PKHD1: variants seen among roughly 807,000 people sequenced by gnomAD.
PKHD1 encodes the protein PKHD1 ciliary IPT domain containing fibrocystin/polyductin.
In PKHD1, 291 loss-of-function variants were observed where a neutral mutation model predicts 412.0. The observed-to-expected ratio is 0.71, with a 90% CI of 0.64 to 0.78. The LOEUF (loss-of-function observed/expected upper bound fraction) is 0.78, where lower values mean the gene tolerates loss of function less well. Ranked by LOEUF, PKHD1 falls within the 30% of genes least tolerant of loss-of-function variation. The pLI is 0.00. For synonymous variants in PKHD1, 1,777 were observed against 1,821.5 expected, an observed-to-expected ratio of 0.98 and a Z score of 0.62; for missense variants, 4,825 against 4,950.7, an observed-to-expected ratio of 0.97 and a Z score of 0.76.
At chr6:52,053,031 T>C in intron 21 of PKHD1, 45 bp downstream of exon 21, 1 of 1,583,522 alleles carries the variant, frequency 6.3e-7, no homozygotes, top group Non-Finnish European at 8.7e-7. Context: ...AAGTTTGAGG[T>C]AGGCATGTGA....
intron 43 of PKHD1, among the ~76,000 whole-genome samples, chr6:51,891,266 T>C (rs184787476): frequency 1.0e-4 from 15 of 149,882 alleles, no homozygotes; most frequent in Admixed American, 9.3e-4. Flanking sequence ...TGGGGTTTTG[T>C]TTTTTTGTTT....
At chr6:52,019,615 C>CTATG (rs962640262) in intron 33 of PKHD1, among the ~76,000 whole-genome samples, 2 of 152,168 alleles carry the variant, frequency 1.3e-5, no homozygotes, top group African/African-American at 4.8e-5. Context: ...GGATCAAAAT[C>CTATG]TATGGGTTTT....
intron 47 of PKHD1, 70 bp downstream of exon 47, chr6:51,870,434 G>T: frequency 8.3e-7 from 1 of 1,208,840 alleles, no homozygotes; most frequent in Non-Finnish European, 1.2e-6. Context: ...CAAAGTATTT[G>T]CCACTATTTA....
At chr6:51,726,741 C>T (rs1317474007) in intron 60 of PKHD1, among the ~76,000 whole-genome samples, 10 of 152,284 alleles carry the variant, frequency 6.6e-5, no homozygotes, top group African/African-American at 2.4e-4. Flanking sequence ...AAAAATCTTG[C>T]AGAGATGGCA....
intron 60 of PKHD1, 147 bp from the exon 61 acceptor site, chr6:51,660,116 G>T: frequency 1.9e-6 from 1 of 536,528 alleles, no homozygotes; most frequent in Non-Finnish European, 3.2e-6. Flanking sequence ...GTGCAAGGAA[G>T]ATTGCGGCAA....
chr6:51,744,929 G>GA (rs1271289971), intron 59 of PKHD1, among the ~76,000 whole-genome samples: 1 of 151,994 alleles, frequency 6.6e-6, no homozygotes. Context: ...TATATGCAAA[G>GA]AAAAATAGAT....
At chr6:52,017,336 AC>A (rs1436472405) in intron 34 of PKHD1, 73 bp downstream of exon 34, 3 of 1,088,380 alleles carry the variant, frequency 2.8e-6, no homozygotes, top group Non-Finnish European at 4.3e-6. Context: ...CCCAGCCTAC[AC>A]TCTCTGATGG....
chr6:51,943,766 T>G (rs1788979239), intron 36 of PKHD1, among the ~76,000 whole-genome samples: 1 of 151,394 alleles, frequency 6.6e-6, no homozygotes, highest in South Asian at 2.1e-4. Context: ...TGACAAATAT[T>G]TCTTCTAACA....
rs559530696 is a variant in PKHD1, at chr6:51,663,547, T to G, written c.10157-3578A>C. The stretch of plus-strand genomic sequence containing the variant: ...TTCAGGTCAGGGACAATATTTCATC[T>G]CTAAATCACCACAAGGGTCAACATT... On this transcript the variant is annotated intron_variant, in intron 60 of 66. Transcript: ENST00000371117. Among the ~76,000 whole-genome samples the G allele has an allele frequency of 2.6e-5, 4 of 152,164 alleles. No homozygotes were observed. In the East Asian group the frequency reaches 7.7e-4, roughly 29 times the overall value.
intron 36 of PKHD1, among the ~76,000 whole-genome samples, chr6:51,948,188 T>C (rs1789769442): frequency 6.6e-6 from 1 of 152,204 alleles, no homozygotes. Context: ...CCTTATCCTC[T>C]ACCTCAGGGT....
chr6:51,740,965 T>C (rs1784478194), intron 60 of PKHD1, among the ~76,000 whole-genome samples: 1 of 152,172 alleles, frequency 6.6e-6, no homozygotes, highest in Non-Finnish European at 1.5e-5. Flanking sequence ...AGGCAATCAG[T>C]CATATATACC....
rs1380168177 is a variant in PKHD1, at chr6:51,912,386, G to A, written c.6312C>T (p.Leu2104=). The A allele has an allele frequency of 1.2e-5, 19 of 1,611,546 alleles. No individual in the cohort carries two copies. Among genetic ancestry groups the A allele is most frequent in the Non-Finnish European group, 1.4e-5 (16 of 1,177,972 alleles). The change falls in exon 38 of 67, where the codon CTC becomes CTT. Residue 2104 remains leucine (L), a synonymous_variant. Coordinates refer to ENST00000371117, the MANE Select transcript of PKHD1 (RefSeq NM_138694.4). ...AGTACCTCAAAGGTGACTTAAGATA[G>A]AGGTCTGTATCCTGCACAGTTTCCA... ...VTVETVQDTD[L]YLKSPLRYSH...
intron 43 of PKHD1, among the ~76,000 whole-genome samples, chr6:51,888,001 T>C (rs1778481957): frequency 6.6e-6 from 1 of 152,214 alleles, no homozygotes; most frequent in South Asian, 2.1e-4. Context: ...AATGCAACAG[T>C]ATATGGTAGC....
rs199736501 is a variant in PKHD1, at chr6:52,058,332, T to G, written c.1503A>C (p.Pro501=). ...HQIRVRAQRL[P]EVQVLNVSGR... The stretch of plus-strand genomic sequence containing the variant: ...GGAAAGAGACACAGACCTGTACTTC[T>G]GGAAGCCTCTGGGCTCGGACTCGGA... Residue 501 remains proline (P), a synonymous_variant, in exon 16 of 67, where the codon CCA becomes CCC. Transcript: ENST00000371117. 6.8e-6 allele frequency: 11 copies of G among 1,614,054 alleles called. No homozygotes were observed. Among genetic ancestry groups the G allele is most frequent in the Non-Finnish European group, 9.3e-6 (11 of 1,180,016 alleles).
intron 11 of PKHD1, among the ~76,000 whole-genome samples, chr6:52,067,000 G>A (rs371528260): frequency 9.2e-5 from 14 of 152,116 alleles, no homozygotes; most frequent in Middle Eastern, 3.2e-3. Context: ...CCTCTCCTAC[G>A]ATCAAGCTTT....
chr6:51,798,020 T>C (rs1794864008), intron 52 of PKHD1, among the ~76,000 whole-genome samples: 2 of 152,172 alleles, frequency 1.3e-5, no homozygotes. Context: ...CCCTCAGCAT[T>C]TGCTTATCTG....
intron 64 of PKHD1, among the ~76,000 whole-genome samples, chr6:51,638,071 C>A (rs1034431488): frequency 1.3e-5 from 2 of 152,062 alleles, no homozygotes; most frequent in Admixed American, 1.3e-4. Flanking sequence ...TTTATTAGGA[C>A]CCAGATATGT....
chr6:51,765,294 T>G (rs1289560672), intron 55 of PKHD1, among the ~76,000 whole-genome samples: 2 of 151,694 alleles, frequency 1.3e-5, no homozygotes, highest in African/African-American at 2.4e-5. Context: ...CCAGCTCTAC[T>G]GTTATCTCCA....
At position 51,617,842 on chromosome 6, in the gene PKHD1, C is replaced by G. The variant is rs1053093535; in HGVS notation, c.*1239G>C. The stretch of plus-strand genomic sequence containing the variant: ...TGTGTTTCCTTTCTCTCTTCCAATG[C>G]AACTACACAACAACCCCTTAACATT... On this transcript the variant is annotated 3_prime_UTR_variant, in exon 67 of 67. Transcript: ENST00000371117. 6.6e-6 allele frequency: 1 copy of G among 151,830 alleles called. No homozygotes were observed. Among genetic ancestry groups the G allele is most frequent in the Non-Finnish European group, 1.5e-5 (1 of 67,948 alleles). The allele number at this position is 151,830 out of a possible 1,614,324, so 9.4% of individuals were successfully genotyped here.
Sources: allele counts gnomAD v4.1 joint callset (sites outside exome capture counted in the v4.1 genomes callset), GRCh38; gene constraint gnomAD v4.1.1; transcripts MANE v1.5; gene names NCBI Gene and HGNC (gene_info 2026-07-23, HGNC 2026-07-21).